The following NUP160 variants were observed in gnomAD, a reference collection of about 807,000 sequenced individuals.
The protein encoded by NUP160 is nuclear pore complex protein Nup160.
Under a neutral mutation model 196.9 loss-of-function variants are expected in NUP160, and 94 were observed. The ratio of observed to expected loss-of-function variants is 0.48; its 90% CI spans 0.40 to 0.57. The LOEUF is 0.57. NUP160 is among the 20% of genes least tolerant of loss of function. NUP160 has a pLI of 0.00. For synonymous variants in NUP160, 605 were observed against 619.7 expected, an observed-to-expected ratio of 0.98 and a Z score of 0.35; for missense variants, 1,638 against 1,748.3, an observed-to-expected ratio of 0.94 and a Z score of 1.13.
chr11:47,801,943 A>G lies in NUP160; in HGVS notation c.2776-13T>C, dbSNP rs367660572. On this transcript the variant is annotated splice_polypyrimidine_tract_variant and intron_variant, in intron 22 of 35. Transcript: ENST00000378460. The stretch of plus-strand genomic sequence containing the variant: ...AACATTCCAGAGCCTGGAGAAATAA[A>G]ATATAAAATGACTTGTAACAGATCA... The G allele has an allele frequency of 3.7e-6, 6 of 1,613,344 alleles. No homozygotes were observed. Among genetic ancestry groups the G allele is most frequent in the Non-Finnish European group, 5.1e-6 (6 of 1,179,580 alleles).
chr11:47,785,702 A>G (rs1428747348), intron 32 of NUP160, among the ~76,000 whole-genome samples: 2 of 152,230 alleles, frequency 1.3e-5, no homozygotes, highest in Non-Finnish European at 2.9e-5. Context: ...ACTGGTTCTC[A>G]AACCTGATCA....
intron 7 of NUP160, among the ~76,000 whole-genome samples, chr11:47,826,612 G>A (rs1599338262): frequency 6.6e-6 from 1 of 150,656 alleles, no homozygotes. Flanking sequence ...ACTTAGGCTG[G>A]AGTGCTATGG....
At chr11:47,837,512 G>A (rs2135400050) in intron 5 of NUP160, 33 bp downstream of exon 5, 1 of 1,550,576 alleles carries the variant, frequency 6.4e-7, no homozygotes, top group Non-Finnish European at 8.9e-7. Flanking sequence ...TAAATTCTTG[G>A]GCCCTTTGAT....
At chr11:47,825,862 G>A (rs899072268) in intron 7 of NUP160, among the ~76,000 whole-genome samples, 17 of 152,146 alleles carry the variant, frequency 1.1e-4, no homozygotes, top group African/African-American at 3.9e-4. Flanking sequence ...GGGATTACAG[G>A]CGTGAGCCAC....
intron 22 of NUP160, 23 bp downstream of exon 22, chr11:47,803,415 T>C (rs1468373546): frequency 7.2e-7 from 1 of 1,396,326 alleles, no homozygotes; most frequent in Non-Finnish European, 1.0e-6. Context: ...ATAAAGTTTA[T>C]TTGCCATTCA....
In NUP160 at chr11:47,837,067, T is replaced by G. The variant is rs180973454; in HGVS notation, c.828-66A>C. 1.8e-5 allele frequency: 16 copies of G among 870,122 alleles called. No homozygotes were observed. The Admixed American group carries it at 3.5e-4, about 19-fold the overall frequency. 53.9% of individuals were successfully genotyped at this position (870,122 alleles called of 1,614,324 possible). A position where few individuals can be genotyped will look rare whatever the true frequency, so the allele number is the denominator to read the frequency against. On this transcript the variant is annotated intron_variant, in intron 5 of 35. Coordinates refer to ENST00000378460, the Ensembl canonical transcript of NUP160. ...AGAATCTGATCATTAGAATTTGCAA[T>G]TCAAGAAATATAATAAAATTATAAA...
chr11:47,782,302 AAATATATATATATATATATAT>A lies in NUP160; in HGVS notation c.4116+750_4116+770del, dbSNP rs1297220587. Among the ~76,000 whole-genome samples the A allele has an allele frequency of 6.4e-3, 271 of 42,602 alleles. 22 individuals carry two copies. The highest frequency in any genetic ancestry group is 0.033 in the East Asian group (44 of 1,332). 27.9% of individuals were successfully genotyped at this position (42,602 alleles called of 152,430 possible). A position where few individuals can be genotyped will look rare whatever the true frequency, so the allele number is the denominator to read the frequency against. On this transcript the variant is annotated intron_variant, in intron 34 of 35. Transcript: ENST00000378460. ...GCAAAACTCAGTTAAAAAAAAAAAA[AAATATATATATATATATATAT>A]ATATATATATATATATATATATATA...
intron 27 of NUP160, chr11:47,796,461 A>C (rs2097670960): frequency 3.4e-6 from 1 of 297,240 alleles, no homozygotes; most frequent in South Asian, 1.4e-4. Context: ...TCCCAGAAGG[A>C]CCAGCAAAAA....
chr11:47,782,404 T>C (rs2097661957), intron 34 of NUP160, among the ~76,000 whole-genome samples: 1 of 142,398 alleles, frequency 7.0e-6, no homozygotes, highest in Non-Finnish European at 1.5e-5. Flanking sequence ...TGTTTTCCAA[T>C]AAACCCACTA....
At chr11:47,797,716 T>C (rs1375461320) in intron 27 of NUP160, 63 bp downstream of exon 27, 3 of 1,133,626 alleles carry the variant, frequency 2.6e-6, no homozygotes, top group Non-Finnish European at 4.0e-6. Flanking sequence ...ACACAATATT[T>C]TGGTAAAACA....
intron 7 of NUP160, among the ~76,000 whole-genome samples, 193 bp downstream of exon 7, chr11:47,835,458 A>C (rs1754162444): frequency 6.6e-6 from 1 of 151,682 alleles, no homozygotes; most frequent in Admixed American, 6.6e-5. Flanking sequence ...GTTACTTTAA[A>C]CTCTCTACTT....
chr11:47,783,188 G>A, exon 34 of NUP160: 2 of 1,613,132 alleles, frequency 1.2e-6, no homozygotes, highest in Non-Finnish European at 1.7e-6. Context: ...CAATTCAGCA[G>A]CATCAACCTT....
chr11:47,807,529 T>A (rs1017182920), intron 18 of NUP160, among the ~76,000 whole-genome samples: 1 of 151,972 alleles, frequency 6.6e-6, no homozygotes, highest in African/African-American at 2.4e-5. Flanking sequence ...TAGCCAGGTG[T>A]GATGGCAGGC....
At chr11:47,785,662 C>A (rs1009512978) in intron 32 of NUP160, among the ~76,000 whole-genome samples, 2 of 152,144 alleles carry the variant, frequency 1.3e-5, no homozygotes, top group Middle Eastern at 3.2e-3. Flanking sequence ...TTTGTTTCTG[C>A]ATTTCTAAAA....
Position 47,839,758 on chromosome 11 carries a change from C to A in NUP160, c.748+85G>T, listed in dbSNP as rs141844007. 1.9e-3 allele frequency: 2,068 copies of A among 1,115,142 alleles called. 2 individuals carry two copies. The highest frequency in any genetic ancestry group is 2.5e-3 in the Non-Finnish European group (1,834 of 733,884). 69.1% of individuals were successfully genotyped at this position (1,115,142 alleles called of 1,614,324 possible). A position where few individuals can be genotyped will look rare whatever the true frequency, so the allele number is the denominator to read the frequency against. The stretch of plus-strand genomic sequence containing the variant: ...AGTTCCGGGGCAGTAGAGATGCAAT[C>A]CCTGCATTGGATGACGAGGTTGAAC... On this transcript the variant is annotated intron_variant, in intron 4 of 35. Transcript: ENST00000378460.
intron 35 of NUP160, chr11:47,779,561 G>A (rs765765010): frequency 1.9e-6 from 1 of 519,798 alleles, no homozygotes; most frequent in Non-Finnish European, 3.8e-6. Context: ...AGGCTCAGGA[G>A]GCACTCTATC....
At chr11:47,818,242 T>C in intron 10 of NUP160, 118 bp from the exon 11 acceptor site, 1 of 672,352 alleles carries the variant, frequency 1.5e-6, no homozygotes, top group Non-Finnish European at 2.7e-6. Flanking sequence ...CTTCTATATG[T>C]GGGCAATAAC....
intron 9 of NUP160, 60 bp downstream of exon 9, chr11:47,821,664 G>A (rs1851860403): frequency 1.1e-5 from 14 of 1,295,044 alleles, no homozygotes; most frequent in African/African-American, 5.8e-5. Flanking sequence ...CCGGCCTCTC[G>A]TCTTCTTAGC....
At chr11:47,808,914 A>G (rs2097679318) in intron 17 of NUP160, among the ~76,000 whole-genome samples, 1 of 152,068 alleles carries the variant, frequency 6.6e-6, no homozygotes, top group South Asian at 2.1e-4. Flanking sequence ...AGACTGGACA[A>G]CACAGTGAAA....
Sources: gnomAD v4.1 joint callset for allele counts (sites outside exome capture counted in the v4.1 genomes callset) on GRCh38, gnomAD v4.1.1 for gene constraint, MANE v1.5 for transcripts, NCBI Gene and HGNC (gene_info 2026-07-23, HGNC 2026-07-21) for gene names.